Variants in GRID1 observed in about 807,000 individuals in gnomAD.
GRID1 encodes glutamate receptor ionotropic, delta-1.
Under a neutral mutation model 98.0 loss-of-function variants are expected in GRID1, and 28 were observed. The ratio of observed to expected loss-of-function variants is 0.29; its 90% CI spans 0.21 to 0.39. The LOEUF is 0.39. GRID1 is among the 10% of genes least tolerant of loss of function. The pLI, the probability that GRID1 is intolerant of heterozygous loss-of-function variation, is 1.00. For synonymous variants in GRID1, 553 were observed against 538.5 expected (o/e 1.03, Z -0.37); for missense variants, 1,111 against 1,340.5 (o/e 0.83, Z 2.67).
intron 4 of GRID1, among the ~76,000 whole-genome samples, chr10:85,947,353 G>A (rs74148854): frequency 0.04 from 6,031 of 152,270 alleles, 204 homozygotes; most frequent in African/African-American, 0.095. Context: ...GTGGGGTGGG[G>A]AGAATACTGC....
chr10:86,277,222 G>T (rs1338773024), intron 2 of GRID1, among the ~76,000 whole-genome samples: 1 of 152,160 alleles, frequency 6.6e-6, no homozygotes, highest in African/African-American at 2.4e-5. Context: ...TAGAGTTTAG[G>T]TTATATAAAT....
Position 85,599,802 on chromosome 10 carries a change from A to AAAATATATATAT in GRID1, c.*2470_*2471insATATATATATTT. 9.8e-4 allele frequency: 64 copies of AAAATATATATAT among 64,976 alleles called. No homozygotes were observed. Among genetic ancestry groups the AAAATATATATAT allele is most frequent in the East Asian group, 1.7e-3 (4 of 2,356 alleles). 4.0% of individuals were successfully genotyped at this position (64,976 alleles called of 1,614,324 possible). A position where few individuals can be genotyped will look rare whatever the true frequency, so the allele number is the denominator to read the frequency against. On this transcript the variant is annotated 3_prime_UTR_variant, in exon 16 of 16. Transcript: ENST00000327946. ...GTAGAAAATTCTAAAAAAAAAAAAA[A>AAAATATATATAT]ATATATATATATATATATAAACATG...
At chr10:85,611,568 A>C (rs915842680) in intron 15 of GRID1, among the ~76,000 whole-genome samples, 2 of 152,150 alleles carry the variant, frequency 1.3e-5, no homozygotes, top group Non-Finnish European at 2.9e-5. Context: ...TCCAAAACAA[A>C]CAACACGGAG....
intron 4 of GRID1, among the ~76,000 whole-genome samples, chr10:85,957,068 AAC>A (rs1400015588): frequency 3.3e-5 from 5 of 152,178 alleles, no homozygotes; most frequent in Non-Finnish European, 5.9e-5. Context: ...TTATAAAACC[AAC>A]AGATCTCTTG....
At chr10:86,225,193 C>T (rs1049921122) in intron 2 of GRID1, among the ~76,000 whole-genome samples, 1 of 152,124 alleles carries the variant, frequency 6.6e-6, no homozygotes, top group Non-Finnish European at 1.5e-5. Flanking sequence ...CCTCCCAGGC[C>T]GGTGGGGAGC....
chr10:86,223,573 A>G (rs1406329748), intron 2 of GRID1, among the ~76,000 whole-genome samples: 1 of 152,124 alleles, frequency 6.6e-6, no homozygotes, highest in Non-Finnish European at 1.5e-5. Flanking sequence ...ATTTGGAGGG[A>G]TGATTCCAGG....
chr10:85,820,256 G>A (rs749035864), intron 8 of GRID1, among the ~76,000 whole-genome samples: 2 of 151,796 alleles, frequency 1.3e-5, no homozygotes, highest in African/African-American at 2.4e-5. Context: ...AATTGACAAG[G>A]TCTTTAAAAA....
intron 2 of GRID1, among the ~76,000 whole-genome samples, chr10:86,241,701 C>G (rs115818783): frequency 6.6e-6 from 1 of 152,220 alleles, no homozygotes; most frequent in African/African-American, 2.4e-5. Flanking sequence ...CTCAATTCCA[C>G]AATATAATTA....
chr10:86,061,603 G>A (rs1215656004), intron 4 of GRID1, among the ~76,000 whole-genome samples: 2 of 152,158 alleles, frequency 1.3e-5, no homozygotes, highest in Non-Finnish European at 2.9e-5. Context: ...GATTCCAGAT[G>A]GCTGCTGCTC....
intron 13 of GRID1, among the ~76,000 whole-genome samples, chr10:85,638,326 A>G (rs1310646185): frequency 6.6e-6 from 1 of 152,236 alleles, no homozygotes; most frequent in African/African-American, 2.4e-5. Flanking sequence ...CTCAACAGGC[A>G]TTTTTGAAGA....
intron 2 of GRID1, among the ~76,000 whole-genome samples, chr10:86,292,842 ATGTATGAG>A (rs1342418016): frequency 6.6e-6 from 1 of 151,762 alleles, no homozygotes; most frequent in African/African-American, 2.4e-5. Context: ...GGGACTGTAT[ATGTATGAG>A]TGTGTGAGTG....
At chr10:85,679,828 G>A (rs937581419) in intron 12 of GRID1, among the ~76,000 whole-genome samples, 1 of 152,174 alleles carries the variant, frequency 6.6e-6, no homozygotes, top group Non-Finnish European at 1.5e-5. Flanking sequence ...ACAGTCAGTG[G>A]GGGGATATTA....
At chr10:86,210,868 A>G (rs1052205163) in intron 2 of GRID1, among the ~76,000 whole-genome samples, 15 of 152,244 alleles carry the variant, frequency 9.9e-5, no homozygotes, top group Admixed American at 5.2e-4. Flanking sequence ...CTATTAGCTT[A>G]ATCAAGGTTG....
At chr10:86,220,190 C>T (rs537304180) in intron 2 of GRID1, among the ~76,000 whole-genome samples, 88 of 152,330 alleles carry the variant, frequency 5.8e-4, no homozygotes, top group African/African-American at 2.0e-3. Flanking sequence ...TAAACACACT[C>T]CTTCTTGGCC....
At chr10:86,242,113 C>G (rs1446431592) in intron 2 of GRID1, among the ~76,000 whole-genome samples, 1 of 152,236 alleles carries the variant, frequency 6.6e-6, no homozygotes, top group Non-Finnish European at 1.5e-5. Flanking sequence ...TCTGGCAACA[C>G]AGTGGAACCT....
chr10:86,137,879 T>C (rs938675429), intron 4 of GRID1, among the ~76,000 whole-genome samples: 9 of 152,122 alleles, frequency 5.9e-5, no homozygotes, highest in African/African-American at 1.9e-4. Context: ...TGAGTAATAA[T>C]TAATTAGAAG....
At chr10:86,002,751 C>G (rs1340097748) in intron 4 of GRID1, among the ~76,000 whole-genome samples, 1 of 152,166 alleles carries the variant, frequency 6.6e-6, no homozygotes, top group Non-Finnish European at 1.5e-5. Flanking sequence ...TATACAGATA[C>G]AAAAGTGGCA....
At chr10:85,956,517 A>G (rs1484449430) in intron 4 of GRID1, among the ~76,000 whole-genome samples, 2 of 152,190 alleles carry the variant, frequency 1.3e-5, no homozygotes, top group East Asian at 3.9e-4. Context: ...CTCTTTTCAA[A>G]TGGGGCAGGT....
intron 5 of GRID1, among the ~76,000 whole-genome samples, chr10:85,891,190 T>G (rs1659033929): frequency 6.6e-6 from 1 of 152,222 alleles, no homozygotes; most frequent in Non-Finnish European, 1.5e-5. Context: ...ACACCTCATT[T>G]TTTTTATCCC....
Sources: gnomAD v4.1 joint callset for allele counts (sites outside exome capture counted in the v4.1 genomes callset) on GRCh38, gnomAD v4.1.1 for gene constraint, MANE v1.5 for transcripts, NCBI Gene and HGNC (gene_info 2026-07-23, HGNC 2026-07-21) for gene names.